CACNA2D2: variants seen among roughly 807,000 people sequenced by gnomAD.
CACNA2D2 encodes calcium voltage-gated channel auxiliary subunit alpha2delta 2.
A neutral mutation model predicts 166.4 loss-of-function variants in CACNA2D2; 48 were observed. The ratio of observed to expected loss-of-function variants is 0.29; its 90% CI spans 0.23 to 0.37. CACNA2D2 has a LOEUF of 0.37. CACNA2D2 is among the 10% of genes least tolerant of loss of function. The pLI, the probability that CACNA2D2 is intolerant of heterozygous loss-of-function variation, is 1.00. For synonymous variants in CACNA2D2, 561 were observed against 573.7 expected (o/e 0.98, Z 0.32); for missense variants, 1,122 against 1,433.0 (o/e 0.78, Z 3.50).
intron 4 of CACNA2D2, among the ~76,000 whole-genome samples, chr3:50,391,957 G>T (rs1420085702): frequency 6.6e-6 from 1 of 152,224 alleles, no homozygotes; most frequent in African/African-American, 2.4e-5. Context: ...GCTAGAAAAG[G>T]GAGTCCTGGG....
intron 1 of CACNA2D2, among the ~76,000 whole-genome samples, chr3:50,481,618 G>T (rs1698060130): frequency 6.6e-6 from 1 of 152,146 alleles, no homozygotes; most frequent in African/African-American, 2.4e-5. Flanking sequence ...AGCAAACTTG[G>T]CAATGGCGGG....
At chr3:50,499,299 C>A (rs1471095335) in intron 1 of CACNA2D2, among the ~76,000 whole-genome samples, 1 of 152,180 alleles carries the variant, frequency 6.6e-6, no homozygotes, top group Non-Finnish European at 1.5e-5. Flanking sequence ...GACAGGCGGC[C>A]ACCTAGCCCG....
At chr3:50,430,247 C>T (rs547698474) in intron 3 of CACNA2D2, among the ~76,000 whole-genome samples, 104 of 152,312 alleles carry the variant, frequency 6.8e-4, no homozygotes, top group African/African-American at 2.3e-3. Context: ...CGCTGAGCCT[C>T]GATACCCCTG....
chr3:50,409,593 C>T (rs894587710), intron 3 of CACNA2D2, among the ~76,000 whole-genome samples: 1 of 152,230 alleles, frequency 6.6e-6, no homozygotes, highest in East Asian at 1.9e-4. Flanking sequence ...ACAGCAGCCC[C>T]TGCAAAGCAG....
At chr3:50,392,041 T>G (rs1282329779) in intron 4 of CACNA2D2, among the ~76,000 whole-genome samples, 1 of 152,158 alleles carries the variant, frequency 6.6e-6, no homozygotes, top group African/African-American at 2.4e-5. Context: ...GGGCCTGAGT[T>G]TGAGGCTAGA....
chr3:50,444,606 C>A (rs1708758613), intron 2 of CACNA2D2, among the ~76,000 whole-genome samples: 1 of 152,228 alleles, frequency 6.6e-6, no homozygotes, highest in South Asian at 2.1e-4. Context: ...CTTTCCCGGC[C>A]TCACAGGCTG....
chr3:50,440,935 G>C (rs1168471846), intron 2 of CACNA2D2, among the ~76,000 whole-genome samples: 1 of 152,176 alleles, frequency 6.6e-6, no homozygotes, highest in African/African-American at 2.4e-5. Flanking sequence ...CAGTCTGAAA[G>C]GCTGGGCAGG....
At chr3:50,426,042 C>A (rs1324172056) in intron 3 of CACNA2D2, among the ~76,000 whole-genome samples, 1 of 152,176 alleles carries the variant, frequency 6.6e-6, no homozygotes, top group Non-Finnish European at 1.5e-5. Context: ...ACCTTCCCTT[C>A]CTCCCCTGGC....
intron 3 of CACNA2D2, among the ~76,000 whole-genome samples, chr3:50,407,428 A>AG (rs11425266): frequency 0.1 from 15,147 of 152,124 alleles, 2,197 homozygotes; most frequent in African/African-American, 0.32. Flanking sequence ...GGCGATCATG[A>AG]GGGCTTCAGG....
At chr3:50,418,962 T>C (rs1207548212) in intron 3 of CACNA2D2, among the ~76,000 whole-genome samples, 2 of 152,112 alleles carry the variant, frequency 1.3e-5, no homozygotes, top group African/African-American at 4.8e-5. Flanking sequence ...TGATCCTGGA[T>C]GAGTCTGTGT....
intron 5 of CACNA2D2, among the ~76,000 whole-genome samples, 173 bp from the exon 6 acceptor site, chr3:50,384,510 G>A (rs587604837): frequency 5.3e-5 from 8 of 152,298 alleles, no homozygotes; most frequent in Admixed American, 2.0e-4. Flanking sequence ...AGATGGACAC[G>A]GGGTTGGACC....
chr3:50,367,793 C>T lies in CACNA2D2; in HGVS notation c.2234+19G>A. The T allele has an allele frequency of 6.2e-7, 1 of 1,612,712 alleles. No individual in the cohort carries two copies. Among genetic ancestry groups the T allele is most frequent in the Non-Finnish European group, 8.5e-7 (1 of 1,179,080 alleles). On this transcript the variant is annotated intron_variant, in intron 25 of 37. Transcript: ENST00000424201. This position sits in a 1 kb window ranked among gnomAD's most constrained non-coding sequence, Gnocchi z 6.5. ...GGCCCATCCTAGCCTTCTGCCCCCACAGGCTGGGTGATGCCTACGTGTTGA... is the reference window on the plus strand; with the variant it reads ...GGCCCATCCTAGCCTTCTGCCCCCATAGGCTGGGTGATGCCTACGTGTTGA...
At chr3:50,452,210 T>C (rs1417964181) in intron 2 of CACNA2D2, among the ~76,000 whole-genome samples, 2 of 152,244 alleles carry the variant, frequency 1.3e-5, no homozygotes, top group African/African-American at 4.8e-5. Context: ...CCTCCAGGGC[T>C]GTCTGTGGAA....
At chr3:50,429,155 C>T (rs772020890) in intron 3 of CACNA2D2, among the ~76,000 whole-genome samples, 42 of 152,118 alleles carry the variant, frequency 2.8e-4, no homozygotes, top group Non-Finnish European at 4.6e-4. Context: ...GCTTGAACTT[C>T]GGAGGCAGAG....
chr3:50,372,844 C>T (rs587742695), intron 22 of CACNA2D2, among the ~76,000 whole-genome samples: 4 of 152,042 alleles, frequency 2.6e-5, no homozygotes, highest in South Asian at 2.1e-4. Context: ...GAGAACACGC[C>T]GGAGAACACC....
At position 50,364,935 on chromosome 3, in the gene CACNA2D2, G is replaced by A; in HGVS notation, c.3244C>T (p.Pro1082Ser). 1 of 1,613,300 alleles carries A rather than the reference G, an allele frequency of 6.2e-7. No homozygotes were observed. Among genetic ancestry groups the A allele is most frequent in the Non-Finnish European group, 8.5e-7 (1 of 1,179,884 alleles). ...ATGTGCGGGCCTCTCCGGTATCGCG[G>A]TCTCTGCACTAGCTCACACTGCTCC... ...GPEQCELVQR[P>S]RYRRGPHICF... Residue 1082 changes from proline to serine, a missense_variant, in exon 37 of 38, where the codon CCG (proline) becomes TCG (serine). Physicochemically the swap from Pro to Ser is moderately conservative, Grantham distance 74. Coordinates refer to ENST00000424201, the MANE Select transcript of CACNA2D2 (RefSeq NM_006030.4).
At chr3:50,374,282 G>A (rs1302227232) in intron 22 of CACNA2D2, among the ~76,000 whole-genome samples, 1 of 70,792 alleles carries the variant, frequency 1.4e-5, no homozygotes, top group Non-Finnish European at 2.9e-5. Context: ...GGGAAGGGGA[G>A]GGGAAAGGGG....
At chr3:50,419,191 A>T (rs1707425050) in intron 3 of CACNA2D2, among the ~76,000 whole-genome samples, 1 of 152,242 alleles carries the variant, frequency 6.6e-6, no homozygotes, top group African/African-American at 2.4e-5. Flanking sequence ...ACAAGGAAGA[A>T]CTTCCATTTA....
At chr3:50,383,833 G>C (rs1239698301) in intron 6 of CACNA2D2, among the ~76,000 whole-genome samples, 2 of 152,202 alleles carry the variant, frequency 1.3e-5, no homozygotes, top group Admixed American at 6.5e-5. Context: ...GCAGGGAATG[G>C]GGAAGGGTGG....
Sources: allele counts gnomAD v4.1 joint callset (sites outside exome capture counted in the v4.1 genomes callset), GRCh38; gene constraint gnomAD v4.1.1; non-coding constraint Gnocchi (gnomAD v3.1); transcripts MANE v1.5; gene names NCBI Gene and HGNC (gene_info 2026-07-23, HGNC 2026-07-21).